ITGA2: variants seen among roughly 807,000 people sequenced by gnomAD.
ITGA2 encodes the protein integrin subunit alpha 2, also known as integrin alpha-2.
ITGA2 carries 101 observed loss-of-function variants against 146.3 expected under a neutral mutation model. That is an observed-to-expected ratio of 0.69 (90% confidence interval 0.59 to 0.81). The LOEUF is 0.81. ITGA2 is among the 40% of genes least tolerant of loss of function. The pLI is 0.00. For missense variants in ITGA2, 1,281 were observed against 1,402.7 expected, an observed-to-expected ratio of 0.91 and a Z score of 1.39; for synonymous variants, 477 against 487.1, an observed-to-expected ratio of 0.98 and a Z score of 0.27.
At chr5:53,028,198 G>T (rs554905926) in intron 2 of ITGA2, among the ~76,000 whole-genome samples, 1 of 152,292 alleles carries the variant, frequency 6.6e-6, no homozygotes, top group South Asian at 2.1e-4. Flanking sequence ...ACATGTTGGG[G>T]CATGCCTGTC....
rs552759518 is a variant in ITGA2, at chr5:53,014,580, C to A, written c.65-12168C>A. ...GTTTTCTTTTTTATTGTGTCTCTAC[C>A]AGGATTTGGTATTAGAATAATGCTG... On this transcript the variant is annotated intron_variant, in intron 1 of 29. Coordinates refer to ENST00000296585, the MANE Select transcript of ITGA2 (RefSeq NM_002203.4). Among the ~76,000 whole-genome samples the A allele has an allele frequency of 1.2e-3, 183 of 152,080 alleles. 1 individual carries two copies. The highest frequency in any genetic ancestry group is 3.5e-3 in the African/African-American group (144 of 41,492).
At chr5:53,021,364 A>G (rs1027677239) in intron 1 of ITGA2, among the ~76,000 whole-genome samples, 6 of 152,232 alleles carry the variant, frequency 3.9e-5, no homozygotes, top group Non-Finnish European at 8.8e-5. Context: ...GAGAGATGAC[A>G]TAAAATACAA....
chr5:52,997,560 G>A (rs1016835394), intron 1 of ITGA2, among the ~76,000 whole-genome samples: 3 of 152,204 alleles, frequency 2.0e-5, no homozygotes, highest in African/African-American at 7.2e-5. Context: ...TGCACCGATG[G>A]ACGCCTTGAA....
At chr5:53,008,720 C>T (rs1482599175) in intron 1 of ITGA2, among the ~76,000 whole-genome samples, 1 of 152,058 alleles carries the variant, frequency 6.6e-6, no homozygotes, top group Non-Finnish European at 1.5e-5. Flanking sequence ...AAATGCAGTG[C>T]CCTCTCAAGA....
rs145633635 is a variant in ITGA2, at chr5:52,995,099, C to T, written c.64+5567C>T. On this transcript the variant is annotated intron_variant, in intron 1 of 29. Coordinates refer to ENST00000296585, the MANE Select transcript of ITGA2 (RefSeq NM_002203.4). ...TTTAGGTTCTTGAATAGAATACTGA[C>T]GCAATGAAAACAGAAGGTCCTTATG... Among the ~76,000 whole-genome samples the T allele has an allele frequency of 6.0e-4, 91 of 152,268 alleles. 2 individuals carry two copies. In the East Asian group the frequency reaches 0.015, roughly 26 times the overall value.
intron 4 of ITGA2, 76 bp downstream of exon 4, chr5:53,045,168 C>CA: frequency 9.1e-7 from 1 of 1,101,228 alleles, no homozygotes; most frequent in Non-Finnish European, 1.4e-6. Flanking sequence ...CCATCCCTCC[C>CA]AATCTGAGGA....
In ITGA2 at chr5:53,062,796, A is replaced by T. The variant is rs1326153552; in HGVS notation, c.1469A>T (p.Tyr490Phe). 1 of 1,611,382 alleles carries T rather than the reference A, an allele frequency of 6.2e-7. No individual in the cohort carries two copies. The highest frequency in any genetic ancestry group is 1.3e-5 in the African/African-American group (1 of 74,734). Residue 490 changes from tyrosine (Y) to phenylalanine (F), a missense_variant, in exon 13 of 30, where the codon TAT becomes TTT. Tyr to Phe is a conservative substitution (Grantham distance 22). Around this residue, in one of 3 missense-constraint regions of ITGA2, gnomAD observed 795 missense variants for 841.7 expected, o/e 0.94. Coordinates refer to ENST00000296585, the MANE Select transcript of ITGA2 (RefSeq NM_002203.4). ...GTTTTATTACTCCAGATTGGCTCCT[A>T]TTTTGGTAGTGTGCTGTGTTCAGTT... Reference protein sequence around the residue: ...QAHRGDQIGSYFGSVLCSVDV... With the variant: ...QAHRGDQIGSFFGSVLCSVDV...
At chr5:53,007,349 G>C (rs569444245) in intron 1 of ITGA2, among the ~76,000 whole-genome samples, 1 of 152,032 alleles carries the variant, frequency 6.6e-6, no homozygotes, top group South Asian at 2.1e-4. Context: ...TTGTGAACAG[G>C]GTATAATAAA....
chr5:53,018,985 A>C (rs945151295), intron 1 of ITGA2, among the ~76,000 whole-genome samples: 5 of 151,728 alleles, frequency 3.3e-5, no homozygotes, highest in African/African-American at 1.2e-4. Context: ...AATTGCTTGA[A>C]CCCGGGAGGC....
Position 53,091,056 on chromosome 5 carries a change from A to C in ITGA2, c.*457A>C, listed in dbSNP as rs1043562965. ...AAGTACTTCCACTTGTGTATATTTT[A>C]ATGAATATTGATGTTAACAAGAGGG... On this transcript the variant is annotated 3_prime_UTR_variant, in exon 30 of 30. Coordinates refer to ENST00000296585, the MANE Select transcript of ITGA2 (RefSeq NM_002203.4). The C allele has an allele frequency of 1.4e-5, 4 of 295,552 alleles. No homozygotes were observed. The highest frequency in any genetic ancestry group is 4.6e-5 in the African/African-American group (2 of 43,356). 18.3% of individuals were successfully genotyped at this position (295,552 alleles called of 1,614,324 possible).
intron 20 of ITGA2, among the ~76,000 whole-genome samples, chr5:53,073,628 T>C (rs918689031): frequency 1.2e-4 from 19 of 152,048 alleles, no homozygotes; most frequent in African/African-American, 3.9e-4. Context: ...TTGTTGCTGC[T>C]GCCAAGATGA....
At chr5:53,074,775 C>T (rs1236066457) in intron 21 of ITGA2, among the ~76,000 whole-genome samples, 1 of 151,856 alleles carries the variant, frequency 6.6e-6, no homozygotes, top group Non-Finnish European at 1.5e-5. Flanking sequence ...TTTATTAACC[C>T]CTAGTAACAA....
rs1203852404 is a variant in ITGA2, at chr5:52,989,425, C to T, written c.-44C>T. On this transcript the variant is annotated 5_prime_UTR_variant, in exon 1 of 30. Transcript: ENST00000296585. Reference sequence around the variant, plus strand: ...TCGGCCAAGGGTATCCTCTGCAAACCTCTGCAAACCCAGCGCAACTACGGT... The same window carrying T: ...TCGGCCAAGGGTATCCTCTGCAAACTTCTGCAAACCCAGCGCAACTACGGT... 1.2e-6 allele frequency: 2 copies of T among 1,607,352 alleles called. No homozygotes were observed. Among genetic ancestry groups the T allele is most frequent in the Non-Finnish European group, 8.5e-7 (1 of 1,173,882 alleles).
intron 1 of ITGA2, among the ~76,000 whole-genome samples, chr5:53,009,719 G>A (rs1742030253): frequency 6.6e-6 from 1 of 152,086 alleles, no homozygotes; most frequent in Non-Finnish European, 1.5e-5. Flanking sequence ...TCTCCAAAAT[G>A]CATGTGTTGA....
At chr5:53,049,941 T>C (rs189317783) in intron 6 of ITGA2, among the ~76,000 whole-genome samples, 1 of 152,344 alleles carries the variant, frequency 6.6e-6, no homozygotes, top group East Asian at 1.9e-4. Flanking sequence ...CATGTTGTTA[T>C]ATGTTTCTCC....
At chr5:53,043,284 T>C (rs3212446) in intron 3 of ITGA2, among the ~76,000 whole-genome samples, 39,395 of 151,780 alleles carry the variant, frequency 0.26, 5,761 homozygotes, top group South Asian at 0.33. Flanking sequence ...AAAATTTTAG[T>C]ATATCACCCC....
intron 1 of ITGA2, among the ~76,000 whole-genome samples, chr5:52,998,584 C>G (rs1741399642): frequency 1.3e-5 from 2 of 152,148 alleles, no homozygotes. Flanking sequence ...TCGTTTAAAT[C>G]TTAATTTCAC....
intron 6 of ITGA2, among the ~76,000 whole-genome samples, chr5:53,049,831 GTCCAACATCTAATA>G (rs1744270202): frequency 6.6e-6 from 1 of 151,334 alleles, no homozygotes. Flanking sequence ...ATACTCTAAT[GTCCAACATCTAATA>G]CAAATTGTTG....
intron 16 of ITGA2, among the ~76,000 whole-genome samples, chr5:53,069,166 T>C: frequency 6.6e-6 from 1 of 151,792 alleles, no homozygotes; most frequent in Admixed American, 6.6e-5. Context: ...AATAAGGCAA[T>C]AAGGCAGCTG....
Sources: allele counts gnomAD v4.1 joint callset (sites outside exome capture counted in the v4.1 genomes callset), GRCh38; gene constraint gnomAD v4.1.1; regional missense constraint gnomAD v4.1.1; transcripts MANE v1.5; gene names NCBI Gene and HGNC (gene_info 2026-07-23, HGNC 2026-07-21).